Variants in PDXDC1 observed in about 807,000 individuals in gnomAD.
PDXDC1 encodes the protein pyridoxal dependent decarboxylase domain containing 1.
A neutral mutation model predicts 100.1 loss-of-function variants in PDXDC1; 42 were observed. That is an observed-to-expected ratio of 0.42 (90% CI 0.33 to 0.54). The LOEUF (loss-of-function observed/expected upper bound fraction) is 0.54. PDXDC1 is among the 20% of genes least tolerant of loss of function. The pLI is 0.10. For synonymous variants in PDXDC1, 260 were observed against 371.7 expected (o/e 0.70, Z 3.46); for missense variants, 636 against 979.2 (o/e 0.65, Z 4.68).
downstream of PDXDC1, chr16:15,041,035 G>C (rs368958121): frequency 4.7e-6 from 7 of 1,498,052 alleles, no homozygotes; most frequent in Non-Finnish European, 6.5e-6. Context: ...ATGTGACCAA[G>C]ACTCCAACCC....
At chr16:15,075,914 C>A (rs564708227) in intron 16 of PDXDC1, among the ~76,000 whole-genome samples, 1 of 152,224 alleles carries the variant, frequency 6.6e-6, no homozygotes, top group African/African-American at 2.4e-5. Flanking sequence ...AGAAAGGAGC[C>A]AGGACCACCC....
At chr16:15,087,869 C>A (rs1029800238) in intron 16 of PDXDC1, among the ~76,000 whole-genome samples, 3 of 152,078 alleles carry the variant, frequency 2.0e-5, no homozygotes, top group African/African-American at 7.2e-5. Context: ...AATCCCAACA[C>A]TTTGGGAGGC....
chr16:14,982,582 A>G (rs1239355540), intron 1 of PDXDC1, among the ~76,000 whole-genome samples: 1 of 152,298 alleles, frequency 6.6e-6, no homozygotes, highest in East Asian at 1.9e-4. Flanking sequence ...GGAGGAGACA[A>G]AAGTTCTGGT....
intron 1 of PDXDC1, chr16:14,990,177 GGCAAGGGC>G (rs1463010660): frequency 1.5e-6 from 2 of 1,290,412 alleles, no homozygotes; most frequent in East Asian, 4.1e-5. Flanking sequence ...GCCAGGCGCG[GGCAAGGGC>G]GCGAGGGCGG....
intron 16 of PDXDC1, among the ~76,000 whole-genome samples, chr16:15,082,139 G>T (rs1181756124): frequency 2.2e-4 from 33 of 152,184 alleles, no homozygotes; most frequent in Non-Finnish European, 1.0e-4. Flanking sequence ...AGCAGCAAGA[G>T]CGGACATCCT....
At chr16:15,005,875 A>G (rs1384668480) in intron 5 of PDXDC1, among the ~76,000 whole-genome samples, 3 of 152,286 alleles carry the variant, frequency 2.0e-5, no homozygotes, top group Non-Finnish European at 2.9e-5. Context: ...ATTAGTAGAG[A>G]CAGTTGTTTC....
chr16:15,140,034 T>G (rs568091499), downstream of PDXDC1, among the ~76,000 whole-genome samples: 1 of 124,292 alleles, frequency 8.0e-6, no homozygotes, highest in Non-Finnish European at 1.6e-5. Context: ...GAGGCGAAGG[T>G]TGCAGTGAGC....
the PDXDC1 span, among the ~76,000 whole-genome samples, chr16:15,148,365 CTG>C: frequency 7.6e-6 from 1 of 132,220 alleles, no homozygotes. Context: ...TGTTCAGATC[CTG>C]TGATTTTTTT....
intron 16 of PDXDC1, chr16:15,092,424 G>T (rs1429291885): frequency 3.8e-6 from 3 of 796,684 alleles, no homozygotes; most frequent in Non-Finnish European, 6.6e-6. Flanking sequence ...AATTAATCTT[G>T]CTATTTCTAT....
chr16:15,100,184 G>C (rs1258472649), intron 16 of PDXDC1, among the ~76,000 whole-genome samples: 1 of 152,048 alleles, frequency 6.6e-6, no homozygotes, highest in African/African-American at 2.4e-5. Flanking sequence ...GCAAATGGCT[G>C]AATGGTAGGG....
chr16:14,975,025 C>T, upstream of PDXDC1: 1 of 1,531,968 alleles, frequency 6.5e-7, no homozygotes, highest in South Asian at 1.2e-5. Context: ...CGCCCCGCCG[C>T]CTCTCAACCA....
chr16:15,031,330 C>T (rs1034333905), intron 16 of PDXDC1, among the ~76,000 whole-genome samples: 2 of 152,102 alleles, frequency 1.3e-5, no homozygotes, highest in Admixed American at 1.3e-4. Flanking sequence ...ATCTCCCTGT[C>T]CTTCCTGTGT....
intron 16 of PDXDC1, among the ~76,000 whole-genome samples, chr16:15,063,924 C>T (rs2044837024): frequency 6.6e-6 from 1 of 151,952 alleles, no homozygotes; most frequent in Admixed American, 6.6e-5. Context: ...GAAATGAAAC[C>T]GTAATATTCT....
chr16:15,035,633 G>A lies in PDXDC1; in HGVS notation c.2107+80G>A, dbSNP rs150964065. On this transcript the variant is annotated intron_variant, in intron 22 of 22. Coordinates refer to ENST00000396410, the MANE Select transcript of PDXDC1 (RefSeq NM_015027.4). The stretch of plus-strand genomic sequence containing the variant: ...ACTTGCGTTTGTTTTCTGGGTTCTT[G>A]AACTCCAGAGGTCTATTTCTCTTAA... 2.6e-3 allele frequency: 1,949 copies of A among 746,222 alleles called. 14 individuals are homozygous for A. Among genetic ancestry groups the A allele is most frequent in the Middle Eastern group, 9.9e-3 (27 of 2,714 alleles). The allele number at this position is 746,222 out of a possible 1,614,324, so 46.2% of individuals were successfully genotyped here.
rs1459379895 is a variant in PDXDC1, at chr16:15,037,814, A to G, written c.*1539A>G. 8.7e-6 allele frequency: 4 copies of G among 460,120 alleles called. No homozygotes were observed. Among genetic ancestry groups the G allele is most frequent in the East Asian group, 3.4e-5 (1 of 29,202 alleles). 28.5% of individuals were successfully genotyped at this position (460,120 alleles called of 1,614,324 possible). A position where few individuals can be genotyped will look rare whatever the true frequency, so the allele number is the denominator to read the frequency against. ...TTACCGACCAAAAAAAAAACTGGAC[A>G]TCAATTTTTTAGTAAACCAAAAAAT... On this transcript the variant is annotated 3_prime_UTR_variant, in exon 23 of 23. Transcript: ENST00000396410.
chr16:15,011,414 G>C (rs2041251430), intron 8 of PDXDC1, among the ~76,000 whole-genome samples: 1 of 152,276 alleles, frequency 6.6e-6, no homozygotes, highest in South Asian at 2.1e-4. Context: ...AACTATAAAT[G>C]GTTCATCAAC....
At chr16:15,076,726 T>A in intron 16 of PDXDC1, 1 of 1,015,906 alleles carries the variant, frequency 9.8e-7, no homozygotes, top group Non-Finnish European at 1.5e-6. Flanking sequence ...TGGAAATTCA[T>A]CTGATATACG....
At chr16:15,141,329 G>A (rs1201579408), downstream of PDXDC1, among the ~76,000 whole-genome samples, 1 of 152,224 alleles carries the variant, frequency 6.6e-6, no homozygotes, top group Non-Finnish European at 1.5e-5. Flanking sequence ...CAGCTGAGGG[G>A]ACAGAGCAGC....
chr16:15,144,829 C>T, the PDXDC1 span, among the ~76,000 whole-genome samples: 10 of 152,194 alleles, frequency 6.6e-5, no homozygotes, highest in African/African-American at 1.9e-4. Flanking sequence ...CAAAAAGGGC[C>T]GTTTGGAGAC....
Sources: gnomAD v4.1 joint callset for allele counts (sites outside exome capture counted in the v4.1 genomes callset) on GRCh38, gnomAD v4.1.1 for gene constraint, MANE v1.5 for transcripts, NCBI Gene and HGNC (gene_info 2026-07-23, HGNC 2026-07-21) for gene names.